The following SPIRE1 variants were observed in gnomAD, a reference collection of about 807,000 sequenced individuals.
SPIRE1 encodes the protein protein spire homolog 1.
Under a neutral mutation model 94.1 loss-of-function variants are expected in SPIRE1, and 40 were observed. The observed-to-expected ratio is 0.43, with a 90% CI of 0.33 to 0.55. The LOEUF (loss-of-function observed/expected upper bound fraction) is 0.55. Ranked by LOEUF, SPIRE1 falls within the 20% of genes least tolerant of loss-of-function variation. SPIRE1 has a pLI of 0.06. For synonymous variants in SPIRE1, 376 were observed against 371.7 expected, an observed-to-expected ratio of 1.01 and a Z score of -0.13; for missense variants, 838 against 975.2, an observed-to-expected ratio of 0.86 and a Z score of 1.87.
intron 12 of SPIRE1, among the ~76,000 whole-genome samples, chr18:12,455,448 G>A (rs2031464706): frequency 6.6e-6 from 1 of 152,128 alleles, no homozygotes. Context: ...CTCTAGATTT[G>A]TTGTTACTTT....
intron 12 of SPIRE1, among the ~76,000 whole-genome samples, chr18:12,461,921 C>T (rs2143599410): frequency 6.6e-6 from 1 of 152,334 alleles, no homozygotes; most frequent in Non-Finnish European, 1.5e-5. Context: ...GTGTGAGCCA[C>T]TGTGCCTGGA....
upstream of SPIRE1, among the ~76,000 whole-genome samples, chr18:12,660,489 T>C (rs112172375): frequency 1.3e-5 from 2 of 152,160 alleles, no homozygotes; most frequent in African/African-American, 4.8e-5. Flanking sequence ...GCCTGGCTAA[T>C]TTTTGTATTT....
intron 5 of SPIRE1, among the ~76,000 whole-genome samples, chr18:12,508,993 C>T (rs533175226): frequency 6.6e-5 from 10 of 152,158 alleles, no homozygotes; most frequent in East Asian, 3.9e-4. Flanking sequence ...GTTACATAGT[C>T]GGTTTTGTGT....
chr18:12,591,700 T>C lies in SPIRE1; in HGVS notation c.372+43362A>G, dbSNP rs1467308387. 2.0e-5 allele frequency among the ~76,000 whole-genome samples: 3 copies of C among 152,134 alleles called. No homozygotes were observed. In the East Asian group the frequency reaches 5.8e-4, roughly 29 times the overall value. On this transcript the variant is annotated intron_variant, in intron 2 of 16. Coordinates refer to ENST00000409402, the MANE Select transcript of SPIRE1 (RefSeq NM_001128626.2). The stretch of plus-strand genomic sequence containing the variant: ...GATATAGAAAACATTAAGAATAGGC[T>C]AGCGTGGTGGATCACGCCTGTAATC...
At chr18:12,642,882 T>C (rs1340706309) in intron 1 of SPIRE1, among the ~76,000 whole-genome samples, 2 of 152,156 alleles carry the variant, frequency 1.3e-5, no homozygotes, top group African/African-American at 4.8e-5. Context: ...TGTATACCTA[T>C]GTAACAAACC....
At chr18:12,450,386 A>G (rs2031174557) in intron 16 of SPIRE1, 1 of 384,112 alleles carries the variant, frequency 2.6e-6, no homozygotes, top group South Asian at 6.3e-5. Context: ...AAAGGAAAGA[A>G]AGCAGAAAAC....
intron 2 of SPIRE1, among the ~76,000 whole-genome samples, chr18:12,623,400 G>A (rs912882279): frequency 7.2e-5 from 11 of 152,100 alleles, no homozygotes; most frequent in Middle Eastern, 3.4e-3. Flanking sequence ...TGATCTGCCC[G>A]CCTTGGCCTC....
In SPIRE1 at chr18:12,464,850, A is replaced by C. The variant is rs915531094; in HGVS notation, c.1495+18T>G. The C allele has an allele frequency of 6.2e-7, 1 of 1,604,868 alleles. No homozygotes were observed. Among genetic ancestry groups the C allele is most frequent in the African/African-American group, 1.3e-5 (1 of 74,712 alleles). ...AGTAAGACATCCGACTACAGCTCTTAGCACCACAACTACTCACTCTTCCTT... is the reference window on the plus strand; with the variant it reads ...AGTAAGACATCCGACTACAGCTCTTCGCACCACAACTACTCACTCTTCCTT... On this transcript the variant is annotated intron_variant, in intron 11 of 16. Transcript: ENST00000409402.
intron 2 of SPIRE1, among the ~76,000 whole-genome samples, chr18:12,630,363 T>C (rs1424394733): frequency 6.6e-6 from 1 of 152,100 alleles, no homozygotes; most frequent in African/African-American, 2.4e-5. Flanking sequence ...CTGAATAAAA[T>C]GTAAATAATT....
At chr18:12,472,942 A>G (rs1013733874) in intron 10 of SPIRE1, among the ~76,000 whole-genome samples, 6 of 151,938 alleles carry the variant, frequency 3.9e-5, no homozygotes, top group African/African-American at 1.4e-4. Flanking sequence ...ACAGGCATGC[A>G]TCACAAAGCC....
intron 2 of SPIRE1, among the ~76,000 whole-genome samples, chr18:12,633,256 T>G (rs1383860914): frequency 6.6e-6 from 1 of 152,194 alleles, no homozygotes; most frequent in Admixed American, 6.6e-5. Flanking sequence ...AGTTCTTGCC[T>G]TTTTAGATCT....
intron 7 of SPIRE1, among the ~76,000 whole-genome samples, chr18:12,493,967 C>T (rs141177191): frequency 1.1e-4 from 17 of 152,222 alleles, no homozygotes; most frequent in African/African-American, 3.9e-4. Context: ...TGCAGTGGCA[C>T]GATCATGGCT....
intron 6 of SPIRE1, among the ~76,000 whole-genome samples, chr18:12,499,877 T>A (rs2033596692): frequency 6.6e-6 from 1 of 152,102 alleles, no homozygotes; most frequent in African/African-American, 2.4e-5. Context: ...CCAGAATATA[T>A]AAAGAACTCT....
Position 12,564,498 on chromosome 18 carries a change from G to A in SPIRE1, c.373-17594C>T, listed in dbSNP as rs561312223. Among the ~76,000 whole-genome samples the A allele has an allele frequency of 3.3e-5, 5 of 152,286 alleles. No homozygotes were observed. In the South Asian group the frequency reaches 6.2e-4, roughly 19 times the overall value. On this transcript the variant is annotated intron_variant, in intron 2 of 16. Coordinates refer to ENST00000409402, the MANE Select transcript of SPIRE1 (RefSeq NM_001128626.2). ...AAACAGTTTCTAAATCCACATGTAA[G>A]GAGCTTAGAAGTCACTACTCTATTC...
intron 2 of SPIRE1, among the ~76,000 whole-genome samples, chr18:12,617,327 G>C (rs1052636578): frequency 9.9e-5 from 15 of 151,786 alleles, no homozygotes; most frequent in Non-Finnish European, 1.9e-4. Context: ...CGATTCTCCT[G>C]TCCCAGCCTC....
At chr18:12,656,067 T>A (rs2038530090) in intron 1 of SPIRE1, among the ~76,000 whole-genome samples, 2 of 152,026 alleles carry the variant, frequency 1.3e-5, no homozygotes, top group African/African-American at 4.8e-5. Context: ...CCCGGCTAAT[T>A]TTTGTATTTT....
rs564999402 is a variant in SPIRE1 at position 12,519,546 on chromosome 18, T to C, written c.730-7015A>G. 6.6e-4 allele frequency among the ~76,000 whole-genome samples: 101 copies of C among 152,300 alleles called. 1 individual carries two copies. Among genetic ancestry groups the C allele is most frequent in the African/African-American group, 2.4e-3 (99 of 41,562 alleles). ...CACACCTATAGAAATGCAGTGATGA[T>C]GATAAAAATGACCATTAAAATATCA... On this transcript the variant is annotated intron_variant, in intron 4 of 16. Coordinates refer to ENST00000409402, the MANE Select transcript of SPIRE1 (RefSeq NM_001128626.2).
intron 2 of SPIRE1, among the ~76,000 whole-genome samples, chr18:12,605,445 G>C (rs555446941): frequency 2.0e-5 from 3 of 152,150 alleles, no homozygotes; most frequent in Admixed American, 6.5e-5. Flanking sequence ...GGCGGAGGTC[G>C]CAGTGAGCTG....
intron 2 of SPIRE1, among the ~76,000 whole-genome samples, chr18:12,601,371 C>T (rs1042278110): frequency 2.0e-5 from 3 of 151,100 alleles, no homozygotes; most frequent in East Asian, 1.9e-4. Flanking sequence ...TGCAGTGAGC[C>T]GAGATCACAC....
Sources: gnomAD v4.1 joint callset for allele counts (sites outside exome capture counted in the v4.1 genomes callset) on GRCh38, gnomAD v4.1.1 for gene constraint, MANE v1.5 for transcripts, NCBI Gene and HGNC (gene_info 2026-07-23, HGNC 2026-07-21) for gene names.